KCNIP4: variants seen among roughly 807,000 people sequenced by gnomAD.
The protein encoded by KCNIP4 is potassium voltage-gated channel interacting protein 4.
In KCNIP4, 12 loss-of-function variants were observed where a neutral mutation model predicts 34.0. The ratio of observed to expected loss-of-function variants is 0.35; its 90% confidence interval spans 0.23 to 0.57. The LOEUF is 0.57. Ranked by LOEUF, KCNIP4 falls within the 20% of genes least tolerant of loss-of-function variation. The probability of loss-of-function intolerance (pLI) is 0.83; values close to 1 mark genes in which losing one functional copy is unlikely to be tolerated. For missense variants in KCNIP4, 238 were observed against 311.7 expected (o/e 0.76, Z 1.78); for synonymous variants, 124 against 102.2 (o/e 1.21, Z -1.29).
chr4:21,614,550 T>C (rs1345772521), intron 1 of KCNIP4, among the ~76,000 whole-genome samples: 1 of 148,196 alleles, frequency 6.7e-6, no homozygotes, highest in Non-Finnish European at 1.5e-5. Context: ...ATTTAATGCA[T>C]ATTAAATCAA....
chr4:21,046,875 C>A (rs1458873779), intron 1 of KCNIP4, among the ~76,000 whole-genome samples: 2 of 152,150 alleles, frequency 1.3e-5, no homozygotes, highest in Non-Finnish European at 2.9e-5. Flanking sequence ...TTACAGGCGT[C>A]AGCCACCGCG....
intron 1 of KCNIP4, among the ~76,000 whole-genome samples, chr4:21,882,234 A>G (rs1389119449): frequency 6.6e-6 from 1 of 152,140 alleles, no homozygotes; most frequent in Non-Finnish European, 1.5e-5. Flanking sequence ...TGGCTTATTC[A>G]ATGCTCAACT....
rs1341293664 is a variant in KCNIP4, at chr4:21,400,511, T to TCC, written c.62-517804_62-517803dup. Among the ~76,000 whole-genome samples, 388 of 134,162 alleles carry TCC rather than the reference T, an allele frequency of 2.9e-3. 13 individuals carry two copies. The highest frequency in any genetic ancestry group is 0.011 in the African/African-American group (373 of 32,470). The allele number at this position is 134,162 out of a possible 152,430, so 88.0% of individuals were successfully genotyped here. A position where few individuals can be genotyped will look rare whatever the true frequency, so the allele number is the denominator to read the frequency against. On this transcript the variant is annotated intron_variant, in intron 1 of 8. Coordinates refer to ENST00000382152, the MANE Select transcript of KCNIP4 (RefSeq NM_025221.6). ...TCCTCTCCCCTCCCTTCCCCTCCCTTCCTCTTCTCTTCTCTTCTCTTCTCT... is the reference window on the plus strand; with the variant it reads ...TCCTCTCCCCTCCCTTCCCCTCCCTTCCCCTCTTCTCTTCTCTTCTCTTCTCT...
chr4:21,701,099 G>A (rs1344569753), intron 1 of KCNIP4, among the ~76,000 whole-genome samples: 1 of 152,124 alleles, frequency 6.6e-6, no homozygotes, highest in African/African-American at 2.4e-5. Context: ...TCTATCATTT[G>A]TGATAATATG....
intron 1 of KCNIP4, among the ~76,000 whole-genome samples, chr4:21,365,529 T>A (rs201723428): frequency 1.5e-4 from 6 of 39,386 alleles, no homozygotes; most frequent in South Asian, 6.6e-4. Flanking sequence ...AAATAAAAAA[T>A]AAAGAAAGAA....
chr4:20,865,584 T>C (rs1380171416), intron 2 of KCNIP4, among the ~76,000 whole-genome samples: 1 of 152,024 alleles, frequency 6.6e-6, no homozygotes, highest in Non-Finnish European at 1.5e-5. Flanking sequence ...GAGGACCTTA[T>C]GTTAAGTGAA....
chr4:21,358,061 T>G (rs1040769371), intron 1 of KCNIP4, among the ~76,000 whole-genome samples: 1 of 152,044 alleles, frequency 6.6e-6, no homozygotes, highest in African/African-American at 2.4e-5. Context: ...CAGCAAATTA[T>G]CACAAGGACA....
intron 1 of KCNIP4, among the ~76,000 whole-genome samples, chr4:21,571,575 G>A (rs1740372035): frequency 6.6e-6 from 1 of 152,148 alleles, no homozygotes; most frequent in Non-Finnish European, 1.5e-5. Context: ...AGTGTTAACT[G>A]AGCTGATCAG....
intron 1 of KCNIP4, among the ~76,000 whole-genome samples, chr4:20,968,982 A>G (rs188368068): frequency 6.6e-6 from 1 of 152,316 alleles, no homozygotes; most frequent in African/African-American, 2.4e-5. Flanking sequence ...CCTCCCTGCT[A>G]TTTAAATTCA....
chr4:21,390,523 C>G (rs1192301416), intron 1 of KCNIP4, among the ~76,000 whole-genome samples: 1 of 152,118 alleles, frequency 6.6e-6, no homozygotes, highest in East Asian at 1.9e-4. Flanking sequence ...CTCCATATGG[C>G]TAGCCAGTTT....
intron 1 of KCNIP4, among the ~76,000 whole-genome samples, chr4:21,644,167 T>C (rs572184332): frequency 1.3e-5 from 2 of 152,298 alleles, no homozygotes; most frequent in Admixed American, 6.5e-5. Context: ...AAGATTGCAA[T>C]GTAGTTACCA....
intron 1 of KCNIP4, among the ~76,000 whole-genome samples, chr4:21,785,200 T>G (rs944252086): frequency 6.6e-6 from 1 of 152,062 alleles, no homozygotes; most frequent in Admixed American, 6.6e-5. Flanking sequence ...ACCACAGAAT[T>G]CACCCATTTA....
intron 2 of KCNIP4, among the ~76,000 whole-genome samples, chr4:20,860,118 C>T (rs1210568451): frequency 6.6e-6 from 1 of 151,856 alleles, no homozygotes; most frequent in Non-Finnish European, 1.5e-5. Flanking sequence ...TACAGCAGGT[C>T]CCATTTCTTT....
chr4:21,494,348 A>G (rs902199091), intron 1 of KCNIP4, among the ~76,000 whole-genome samples: 9 of 152,164 alleles, frequency 5.9e-5, no homozygotes, highest in Admixed American at 5.9e-4. Flanking sequence ...CTAAATACCA[A>G]TGACAGCCAA....
chr4:21,114,912 A>G (rs542920435), intron 1 of KCNIP4, among the ~76,000 whole-genome samples: 20 of 152,302 alleles, frequency 1.3e-4, no homozygotes, highest in African/African-American at 4.3e-4. Context: ...AGAAACACCA[A>G]TGATTTTATA....
At chr4:21,618,138 G>T (rs1015524819) in intron 1 of KCNIP4, among the ~76,000 whole-genome samples, 1 of 152,026 alleles carries the variant, frequency 6.6e-6, no homozygotes, top group African/African-American at 2.4e-5. Context: ...TTTTACATTG[G>T]CATCAGTTCA....
At chr4:21,628,508 C>G (rs1346313884) in intron 1 of KCNIP4, among the ~76,000 whole-genome samples, 1 of 152,122 alleles carries the variant, frequency 6.6e-6, no homozygotes, top group Admixed American at 6.6e-5. Context: ...ATACTAGTGG[C>G]AGTACAGTAA....
chr4:21,102,497 A>T (rs1019677539), intron 1 of KCNIP4, among the ~76,000 whole-genome samples: 2 of 152,152 alleles, frequency 1.3e-5, no homozygotes, highest in African/African-American at 2.4e-5. Context: ...ATTGACATAG[A>T]ACCATCTGGA....
intron 1 of KCNIP4, among the ~76,000 whole-genome samples, chr4:21,078,647 C>T (rs932497845): frequency 1.2e-4 from 19 of 152,030 alleles, no homozygotes; most frequent in Admixed American, 8.5e-4. Flanking sequence ...ATAGCATACC[C>T]ATTGAGAAGA....
Sources: allele counts gnomAD v4.1 joint callset (sites outside exome capture counted in the v4.1 genomes callset), GRCh38; gene constraint gnomAD v4.1.1; transcripts MANE v1.5; gene names NCBI Gene and HGNC (gene_info 2026-07-23, HGNC 2026-07-21).